The following CLVS1 variants were observed in gnomAD, a reference collection of about 807,000 sequenced individuals.
CLVS1 encodes the protein clavesin-1.
In CLVS1, 10 loss-of-function variants were observed where a neutral mutation model predicts 33.1. That is an observed-to-expected ratio of 0.30 (90% CI 0.19 to 0.51). The LOEUF is 0.51. CLVS1 is among the 20% of genes least tolerant of loss of function. CLVS1 has a pLI of 0.97. For synonymous variants in CLVS1, 163 were observed against 166.1 expected (o/e 0.98, Z 0.14); for missense variants, 343 against 433.4 (o/e 0.79, Z 1.85).
intron 2 of CLVS1, among the ~76,000 whole-genome samples, chr8:61,182,984 A>G (rs1807269563): frequency 6.6e-6 from 1 of 152,224 alleles, no homozygotes; most frequent in Admixed American, 6.5e-5. Context: ...GAATGAGATC[A>G]TGTCCTTTGC....
the CLVS1 span, among the ~76,000 whole-genome samples, chr8:61,018,238 G>A: frequency 6.6e-6 from 1 of 151,956 alleles, no homozygotes; most frequent in African/African-American, 2.4e-5. Context: ...GTTGGGATAT[G>A]GGGTCTCTTT....
intron 1 of CLVS1, chr8:61,292,156 A>G (rs1810017313): frequency 3.3e-6 from 1 of 304,668 alleles, no homozygotes; most frequent in East Asian, 7.7e-5. Flanking sequence ...ACGTCTGACT[A>G]TTAAATAATA....
intron 1 of CLVS1, among the ~76,000 whole-genome samples, chr8:61,294,995 T>C (rs1193975521): frequency 6.6e-6 from 1 of 152,212 alleles, no homozygotes; most frequent in Non-Finnish European, 1.5e-5. Flanking sequence ...ACAGATAACA[T>C]TATTTTAAAT....
upstream of CLVS1, among the ~76,000 whole-genome samples, chr8:61,284,948 A>G (rs559856888): frequency 6.6e-6 from 1 of 152,184 alleles, no homozygotes; most frequent in Non-Finnish European, 1.5e-5. Context: ...AAAAGCAAAT[A>G]AATATAGCAG....
chr8:60,980,953 G>T, the CLVS1 span, among the ~76,000 whole-genome samples: 1 of 152,176 alleles, frequency 6.6e-6, no homozygotes, highest in Non-Finnish European at 1.5e-5. Flanking sequence ...GAGGCCATGT[G>T]GGTACAGAGG....
intron 1 of CLVS1, among the ~76,000 whole-genome samples, chr8:61,084,246 C>A (rs796909239): frequency 2.0e-5 from 3 of 152,248 alleles, no homozygotes; most frequent in African/African-American, 7.2e-5. Flanking sequence ...ACTGAAAATT[C>A]TACCTCCTGG....
At chr8:61,342,070 A>G (rs1812046045) in intron 2 of CLVS1, among the ~76,000 whole-genome samples, 1 of 152,212 alleles carries the variant, frequency 6.6e-6, no homozygotes. Flanking sequence ...AAACACTAGG[A>G]AGTTTGCCCA....
At chr8:61,144,765 G>T (rs1408419592) in intron 2 of CLVS1, among the ~76,000 whole-genome samples, 2 of 152,226 alleles carry the variant, frequency 1.3e-5, no homozygotes, top group Non-Finnish European at 2.9e-5. Context: ...GCGTGAGATG[G>T]TATCTCATTG....
At chr8:61,121,065 T>C (rs1805854960) in intron 1 of CLVS1, among the ~76,000 whole-genome samples, 1 of 151,928 alleles carries the variant, frequency 6.6e-6, no homozygotes, top group African/African-American at 2.4e-5. Context: ...GTGCGGGGTA[T>C]AATCTCGTGG....
chr8:61,290,553 A>C (rs867079368), intron 1 of CLVS1, among the ~76,000 whole-genome samples: 143 of 152,308 alleles, frequency 9.4e-4, no homozygotes, highest in African/African-American at 3.3e-3. Flanking sequence ...CAAAATCTTG[A>C]ACTTTTCAGA....
chr8:61,445,408 G>C (rs1003302921), intron 3 of CLVS1, among the ~76,000 whole-genome samples: 3 of 152,042 alleles, frequency 2.0e-5, no homozygotes, highest in African/African-American at 7.2e-5. Flanking sequence ...TCTCACTCTA[G>C]TTCCTGGGAG....
intron 1 of CLVS1, among the ~76,000 whole-genome samples, chr8:61,100,820 T>C (rs1805434940): frequency 6.6e-6 from 1 of 152,224 alleles, no homozygotes; most frequent in African/African-American, 2.4e-5. Context: ...ACATTTAATA[T>C]GGATAGATGG....
At chr8:61,492,383 C>A (rs909638148) in intron 5 of CLVS1, among the ~76,000 whole-genome samples, 29 of 152,156 alleles carry the variant, frequency 1.9e-4, no homozygotes, top group Admixed American at 1.4e-3. Flanking sequence ...TGTACATTAC[C>A]TTTTACAGTC....
intron 5 of CLVS1, among the ~76,000 whole-genome samples, chr8:61,497,337 A>G (rs892145102): frequency 6.6e-6 from 1 of 151,370 alleles, no homozygotes; most frequent in African/African-American, 2.4e-5. Context: ...TTCCAGTAAA[A>G]TCACATGAAC....
At chr8:61,017,789 G>A in the CLVS1 span, among the ~76,000 whole-genome samples, 1 of 152,174 alleles carries the variant, frequency 6.6e-6, no homozygotes, top group African/African-American at 2.4e-5. Flanking sequence ...GGCTGGGGGG[G>A]CTCCTCTGGG....
intron 5 of CLVS1, among the ~76,000 whole-genome samples, chr8:61,487,327 T>C (rs1803921979): frequency 6.6e-6 from 1 of 152,216 alleles, no homozygotes; most frequent in Non-Finnish European, 1.5e-5. Flanking sequence ...ATATTTAAAC[T>C]AGATAAGAAT....
intron 2 of CLVS1, 101 bp from the exon 3 acceptor site, chr8:61,376,504 G>C (rs764691338): frequency 1.9e-5 from 20 of 1,080,606 alleles, no homozygotes; most frequent in Non-Finnish European, 2.7e-5. Flanking sequence ...CTCCAGGCGG[G>C]GTTCATGGAG....
rs183099096 is a variant in CLVS1, at chr8:61,110,081, G to A, written c.-242-21689G>A. On this transcript the variant is annotated intron_variant, in intron 1 of 2. Transcript: ENST00000522621. ...CTGACTCCCAGCTGCCCTGAGCGTT[G>A]GCTGCTAATGGTGCACGGTTGCCCC... 1.2e-4 allele frequency among the ~76,000 whole-genome samples: 19 copies of A among 152,290 alleles called. No homozygotes were observed. In the East Asian group the frequency reaches 3.7e-3, roughly 29 times the overall value.
chr8:61,051,192 C>T, the CLVS1 span, among the ~76,000 whole-genome samples: 572 of 152,354 alleles, frequency 3.8e-3, 2 homozygotes, highest in Admixed American at 6.2e-3. Context: ...GAAATGGAAG[C>T]TACTTCCACA....
Sources: allele counts gnomAD v4.1 joint callset (sites outside exome capture counted in the v4.1 genomes callset), GRCh38; gene constraint gnomAD v4.1.1; transcripts MANE v1.5; gene names NCBI Gene and HGNC (gene_info 2026-07-23, HGNC 2026-07-21).